The following ANK3 variants were observed in gnomAD, a reference collection of about 807,000 sequenced individuals.
ANK3 encodes ankyrin 3.
In ANK3, 57 loss-of-function variants were observed where a neutral mutation model predicts 370.9. The ratio of observed to expected loss-of-function variants is 0.15; its 90% CI spans 0.12 to 0.19. The LOEUF (loss-of-function observed/expected upper bound fraction) is 0.19. ANK3 is among the 10% of genes least tolerant of loss of function. The pLI is 1.00. For missense variants in ANK3, 4,439 were observed against 5,302.1 expected (o/e 0.84, Z 5.06); for synonymous variants, 1,929 against 1,946.3 (o/e 0.99, Z 0.23).
intron 6 of ANK3, 141 bp from the exon 7 acceptor site, chr10:60,262,098 C>T: frequency 1.5e-6 from 1 of 671,178 alleles, no homozygotes; most frequent in Non-Finnish European, 2.5e-6. Flanking sequence ...AGGTTTCGAT[C>T]AGTGCCAATT....
At chr10:60,225,415 G>A (rs1323320171) in intron 8 of ANK3, among the ~76,000 whole-genome samples, 1 of 152,142 alleles carries the variant, frequency 6.6e-6, no homozygotes, top group Non-Finnish European at 1.5e-5. Context: ...TACATTTATA[G>A]ATGAGAAAAC....
chr10:60,330,915 C>T (rs927757095), intron 1 of ANK3, among the ~76,000 whole-genome samples: 1 of 152,002 alleles, frequency 6.6e-6, no homozygotes, highest in African/African-American at 2.4e-5. Context: ...GCACATATAC[C>T]CCATGGAATA....
At chr10:60,583,419 G>A (rs771635838) in intron 2 of ANK3, among the ~76,000 whole-genome samples, 2 of 151,978 alleles carry the variant, frequency 1.3e-5, no homozygotes, top group Non-Finnish European at 2.9e-5. Context: ...CAGATAGGAG[G>A]AATAAGTTCT....
At chr10:60,273,619 T>C (rs116945347) in intron 4 of ANK3, among the ~76,000 whole-genome samples, 1,573 of 152,270 alleles carry the variant, frequency 0.01, 16 homozygotes, top group Non-Finnish European at 0.018. Flanking sequence ...TACTATTTCT[T>C]TAATTTTCTT....
rs35560146 is a variant in ANK3 at position 60,288,889 on chromosome 10, A to AACACACACACACACACACACAC, written c.115-9272_115-9251dup. Among the ~76,000 whole-genome samples, 113 of 139,322 alleles carry AACACACACACACACACACACAC rather than the reference A, an allele frequency of 8.1e-4. 1 individual carries two copies. The highest frequency in any genetic ancestry group is 2.9e-3 in the African/African-American group (105 of 36,520). The allele number at this position is 139,322 out of a possible 152,430, so 91.4% of individuals were successfully genotyped here. A position where few individuals can be genotyped will look rare whatever the true frequency, so the allele number is the denominator to read the frequency against. ...CCTCAAGGATCTCCCAGGTAGGAAT[A>AACACACACACACACACACACAC]ACACACACACACACACACACACACA... On this transcript the variant is annotated intron_variant, in intron 1 of 43. Transcript: ENST00000280772.
At chr10:60,050,383 T>G (rs576791471) in intron 42 of ANK3, among the ~76,000 whole-genome samples, 1 of 152,300 alleles carries the variant, frequency 6.6e-6, no homozygotes, top group East Asian at 1.9e-4. Flanking sequence ...AAAACTGTAT[T>G]AGGGCAGATT....
intron 1 of ANK3, among the ~76,000 whole-genome samples, chr10:60,301,367 T>TACAC (rs141317635): frequency 2.1e-5 from 3 of 144,220 alleles, no homozygotes; most frequent in Non-Finnish European, 3.0e-5. Flanking sequence ...CACGCACAGA[T>TACAC]ACACACACAC....
chr10:60,489,733 T>C (rs574272747), intron 2 of ANK3, among the ~76,000 whole-genome samples: 21 of 152,334 alleles, frequency 1.4e-4, no homozygotes, highest in Non-Finnish European at 1.6e-4. Context: ...AAAATATGTA[T>C]GTATCCTGGT....
chr10:60,558,871 G>A (rs917296435), intron 2 of ANK3, among the ~76,000 whole-genome samples: 3 of 152,074 alleles, frequency 2.0e-5, no homozygotes, highest in African/African-American at 4.8e-5. Flanking sequence ...TCTTATTAGG[G>A]AGGAAGGAAC....
At chr10:60,431,552 C>T (rs2064023789) in intron 2 of ANK3, among the ~76,000 whole-genome samples, 1 of 152,052 alleles carries the variant, frequency 6.6e-6, no homozygotes, top group African/African-American at 2.4e-5. Flanking sequence ...ATTATTATTA[C>T]CATCATTAAA....
At chr10:60,476,212 G>A (rs1013470741) in intron 2 of ANK3, among the ~76,000 whole-genome samples, 2 of 152,218 alleles carry the variant, frequency 1.3e-5, no homozygotes, top group Non-Finnish European at 2.9e-5. Context: ...GAACAATGAA[G>A]TTCCAAATTT....
intron 2 of ANK3, among the ~76,000 whole-genome samples, chr10:60,554,085 CT>C (rs762154762): frequency 1.3e-4 from 20 of 152,182 alleles, no homozygotes; most frequent in Non-Finnish European, 2.8e-4. Flanking sequence ...ACTTCTTTGG[CT>C]TTTGATTTAT....
At chr10:60,537,045 T>G (rs2076740987) in intron 2 of ANK3, among the ~76,000 whole-genome samples, 1 of 151,944 alleles carries the variant, frequency 6.6e-6, no homozygotes, top group East Asian at 1.9e-4. Flanking sequence ...CTGTTGACAT[T>G]CAGCTTCAAG....
chr10:60,238,451 G>A (rs2097368019), intron 7 of ANK3, among the ~76,000 whole-genome samples: 1 of 152,060 alleles, frequency 6.6e-6, no homozygotes, highest in Non-Finnish European at 1.5e-5. Context: ...TGGTGGAAAG[G>A]GCAGGAATGT....
At chr10:60,192,418 A>G (rs918591922) in intron 16 of ANK3, among the ~76,000 whole-genome samples, 3 of 150,316 alleles carry the variant, frequency 2.0e-5, no homozygotes, top group Non-Finnish European at 4.4e-5. Context: ...TAAGTTGTAT[A>G]TAATTATATA....
chr10:60,278,965 G>GAT, intron 3 of ANK3, 85 bp downstream of exon 3: 1 of 1,558,168 alleles, frequency 6.4e-7, no homozygotes, highest in Non-Finnish European at 8.9e-7. Flanking sequence ...TATCTTATGA[G>GAT]ATATGTGCCC....
chr10:60,209,906 T>C (rs979276913), intron 9 of ANK3, among the ~76,000 whole-genome samples: 2 of 152,028 alleles, frequency 1.3e-5, no homozygotes, highest in African/African-American at 2.4e-5. Flanking sequence ...ATTGTGTGGA[T>C]GGGAAACTTA....
chr10:60,092,455 A>G (rs1207220778), intron 28 of ANK3, among the ~76,000 whole-genome samples: 1 of 152,200 alleles, frequency 6.6e-6, no homozygotes, highest in East Asian at 1.9e-4. Flanking sequence ...ATCAACCACT[A>G]AACTCTGAGA....
chr10:60,181,599 G>A, intron 17 of ANK3, among the ~76,000 whole-genome samples, 172 bp from the exon 18 acceptor site: 1 of 152,164 alleles, frequency 6.6e-6, no homozygotes, highest in East Asian at 1.9e-4. Flanking sequence ...TGGATCACAT[G>A]AGCCCATGAG....
Sources: gnomAD v4.1 joint callset for allele counts (sites outside exome capture counted in the v4.1 genomes callset) on GRCh38, gnomAD v4.1.1 for gene constraint, MANE v1.5 for transcripts, NCBI Gene and HGNC (gene_info 2026-07-23, HGNC 2026-07-21) for gene names.